Variants in DET1 observed in about 807,000 individuals in gnomAD.
DET1 encodes DET1 partner of COP1 E3 ubiquitin ligase.
A neutral mutation model predicts 43.7 loss-of-function variants in DET1; 22 were observed. The ratio of observed to expected loss-of-function variants is 0.50; its 90% CI spans 0.36 to 0.72. The LOEUF is 0.72. DET1 is among the 30% of genes least tolerant of loss of function. The probability of loss-of-function intolerance (pLI) is 0.00; values close to 1 mark genes in which losing one functional copy is unlikely to be tolerated. For missense variants in DET1, 713 were observed against 713.3 expected (o/e 1.00, Z 0.00); for synonymous variants, 315 against 266.2 (o/e 1.18, Z -1.79).
chr15:88,507,522 A>T (rs1378929619), downstream of DET1, among the ~76,000 whole-genome samples: 3 of 152,186 alleles, frequency 2.0e-5, no homozygotes, highest in Admixed American at 2.0e-4. Context: ...ATGTCCCCTG[A>T]GCAGTCTAAA....
Position 88,531,201 on chromosome 15 carries a change from G to A in DET1, c.505C>T (p.Pro169Ser). 1 of 1,613,844 alleles carries A rather than the reference G, an allele frequency of 6.2e-7. No individual in the cohort carries two copies. Among genetic ancestry groups the A allele is most frequent in the Non-Finnish European group, 8.5e-7 (1 of 1,179,808 alleles). The change falls in exon 2 of 5, where the codon CCA becomes TCA. Residue 169 changes from proline (P) to serine (S), a missense_variant. Coordinates refer to ENST00000268148, the MANE Select transcript of DET1 (RefSeq NM_001144074.3). The surrounding 1 kb of genome is among the most constrained non-coding windows in gnomAD (Gnocchi z 6.2). ...CTGTTCCGATATACCTCAAAAAATG[G>A]AGGGTGAGGCTCATCTGGGAGGTAG... is the stretch of plus-strand genomic sequence containing the variant. ...AAYLPDEPHPPFFEVYRNSES... is the reference protein window; with the variant it reads ...AAYLPDEPHPSFFEVYRNSES...
chr15:88,539,639 G>A (rs2057050935), intron 1 of DET1, among the ~76,000 whole-genome samples: 1 of 152,170 alleles, frequency 6.6e-6, no homozygotes, highest in South Asian at 2.1e-4. Flanking sequence ...AAGGTCCTTA[G>A]TGCTGATTTT....
At chr15:88,536,528 C>T (rs1598344929) in intron 1 of DET1, 2 of 505,292 alleles carry the variant, frequency 4.0e-6, no homozygotes, top group East Asian at 3.4e-5. Flanking sequence ...GCCTGTAATA[C>T]CAGCACTTTG....
At chr15:88,524,711 G>C (rs985286962) in intron 3 of DET1, among the ~76,000 whole-genome samples, 1 of 152,082 alleles carries the variant, frequency 6.6e-6, no homozygotes, top group Non-Finnish European at 1.5e-5. Context: ...GATTAAGGGC[G>C]GTGCAAGATG....
At chr15:88,506,646 A>C (rs2056145037) in intron 7 of DET1, among the ~76,000 whole-genome samples, 1 of 152,218 alleles carries the variant, frequency 6.6e-6, no homozygotes, top group African/African-American at 2.4e-5. Context: ...GGAACACTTC[A>C]TGACTGAGTT....
chr15:88,535,438 G>A (rs376335249), intron 1 of DET1, among the ~76,000 whole-genome samples: 8 of 143,750 alleles, frequency 5.6e-5, no homozygotes, highest in Non-Finnish European at 7.6e-5. Context: ...AGAATGCTAA[G>A]AAAAAAAAAA....
In DET1 at chr15:88,512,809, C is replaced by A. The variant is rs13835; in HGVS notation, c.*142G>T. ...CCATTAGGTTGAGCCACCCTCACTCCTCTCTCTGGCTCTCTCCCATCTGAG... is the reference window on the plus strand; with the variant it reads ...CCATTAGGTTGAGCCACCCTCACTCATCTCTCTGGCTCTCTCCCATCTGAG... On this transcript the variant is annotated 3_prime_UTR_variant, in exon 5 of 5. Coordinates refer to ENST00000268148, the MANE Select transcript of DET1 (RefSeq NM_001144074.3). 561,756 of 1,415,272 alleles carry A rather than the reference C, an allele frequency of 0.4. 116,027 individuals are homozygous for A. Among genetic ancestry groups the A allele is most frequent in the Middle Eastern group, 0.44 (1,940 of 4,394 alleles). 87.7% of individuals were successfully genotyped at this position (1,415,272 alleles called of 1,614,324 possible). A position where few individuals can be genotyped will look rare whatever the true frequency, so the allele number is the denominator to read the frequency against.
chr15:88,525,827 A>ATTTTTTTTTTT (rs10658727), intron 3 of DET1, among the ~76,000 whole-genome samples: 7 of 90,680 alleles, frequency 7.7e-5, no homozygotes, highest in South Asian at 4.0e-4. Context: ...ACACTCGGCT[A>ATTTTTTTTTTT]TTTTTTTTTT....
intron 3 of DET1, 54 bp from the exon 4 acceptor site, chr15:88,517,027 T>G (rs1456380646): frequency 7.4e-7 from 1 of 1,352,778 alleles, no homozygotes. Context: ...CAAAGCTGTC[T>G]TGAATTTTAA....
chr15:88,513,182 A>G (rs2056240809), intron 4 of DET1, 42 bp from the exon 5 acceptor site: 1 of 1,541,702 alleles, frequency 6.5e-7, no homozygotes, highest in Non-Finnish European at 8.8e-7. Flanking sequence ...AGGGGACAGG[A>G]TTGATATTCA....
At chr15:88,522,083 T>C (rs893198706) in intron 3 of DET1, among the ~76,000 whole-genome samples, 2 of 152,160 alleles carry the variant, frequency 1.3e-5, no homozygotes, top group African/African-American at 4.8e-5. Context: ...ATTTACACCA[T>C]ATAGATAAAA....
At position 88,513,054 on chromosome 15, in the gene DET1, A is replaced by T; in HGVS notation, c.1550T>A (p.Leu517His). ...GRPINHTVRR[L>H]VAFTFHPFEP... is the part of the protein sequence containing the mutation. ...AAAAGGGTGAAAGGTGAAGGCAACA[A>T]GGCGTCGCACTGTGTGGTTGATGGG... Residue 517 changes from leucine (L) to histidine (H), a missense_variant, in exon 5 of 5, where the codon CTT (leucine) becomes CAT (histidine). Coordinates refer to ENST00000268148, the MANE Select transcript of DET1 (RefSeq NM_001144074.3). 1 of 1,614,070 alleles carries T rather than the reference A, an allele frequency of 6.2e-7. No individual in the cohort carries two copies. The highest frequency in any genetic ancestry group is 8.5e-7 in the Non-Finnish European group (1 of 1,179,898).
intron 1 of DET1, chr15:88,546,337 A>T (rs557994754): frequency 6.6e-6 from 1 of 152,596 alleles, no homozygotes; most frequent in Admixed American, 6.5e-5. Context: ...CCTCTAAACC[A>T]GAAGGGGATG....
intron 1 of DET1, among the ~76,000 whole-genome samples, chr15:88,534,095 C>T (rs189938744): frequency 1.1e-3 from 161 of 152,014 alleles, no homozygotes; most frequent in African/African-American, 2.5e-3. Flanking sequence ...TCAGTTAAGA[C>T]GGTAAATGTT....
intron 1 of DET1, among the ~76,000 whole-genome samples, chr15:88,543,953 G>A (rs557043026): frequency 6.6e-6 from 1 of 152,284 alleles, no homozygotes; most frequent in African/African-American, 2.4e-5. Flanking sequence ...GTGGGAAATT[G>A]ACTTTACAGA....
At position 88,531,248 on chromosome 15, in the gene DET1, C is replaced by G. The variant is rs2056805699; in HGVS notation, c.458G>C (p.Cys153Ser). 5.0e-6 allele frequency: 8 copies of G among 1,613,754 alleles called. No individual in the cohort carries two copies. Among genetic ancestry groups the G allele is most frequent in the Non-Finnish European group, 6.8e-6 (8 of 1,179,870 alleles). The stretch of plus-strand genomic sequence containing the variant: ...GTAGGCAGCTGAGCCCACGATGACA[C>G]AGCGGCAGTCATCAGTGAAGAGACT... ...ECSLFTDDCR[C>S]VIVGSAAYLP... Residue 153 changes from cysteine (C) to serine (S), a missense_variant, in exon 2 of 5, where the codon TGT (cysteine) becomes TCT (serine). By Grantham distance (112) the Cys-to-Ser change is moderately radical. Transcript: ENST00000268148. This position sits in a 1 kb window ranked among gnomAD's most constrained non-coding sequence, Gnocchi z 6.2.
chr15:88,533,852 T>TAAAAAAAAAAAAAAAAAAAA (rs368408722), intron 1 of DET1, among the ~76,000 whole-genome samples: 2 of 39,218 alleles, frequency 5.1e-5, no homozygotes, highest in African/African-American at 1.4e-4. Flanking sequence ...ACCCAATCTC[T>TAAAAAAAAAAAAAAAAAAAA]AAAAAAAAAA....
At chr15:88,520,578 G>A (rs1423962013) in intron 3 of DET1, among the ~76,000 whole-genome samples, 1 of 152,132 alleles carries the variant, frequency 6.6e-6, no homozygotes, top group Non-Finnish European at 1.5e-5. Context: ...ACAGTTTAAT[G>A]GCAACTCTCT....
At chr15:88,541,573 C>A (rs2057107190) in intron 1 of DET1, among the ~76,000 whole-genome samples, 1 of 152,180 alleles carries the variant, frequency 6.6e-6, no homozygotes, top group African/African-American at 2.4e-5. Flanking sequence ...AAGCTCCGGA[C>A]ACTCTGTGAA....
Sources: gnomAD v4.1 joint callset for allele counts (sites outside exome capture counted in the v4.1 genomes callset) on GRCh38, gnomAD v4.1.1 for gene constraint, Gnocchi (gnomAD v3.1) non-coding constraint, MANE v1.5 for transcripts, NCBI Gene and HGNC (gene_info 2026-07-23, HGNC 2026-07-21) for gene names.